CFAP90: variants seen among roughly 807,000 people sequenced by gnomAD.
CFAP90 encodes cilia- and flagella-associated protein 90.
At chr5:7,850,692 C>T in the CFAP90 span, among the ~76,000 whole-genome samples, 1 of 149,818 alleles carries the variant, frequency 6.7e-6, no homozygotes, top group Non-Finnish European at 1.5e-5. Flanking sequence ...GTGAACCCCG[C>T]CCCTACGCCC....
chr5:7,842,672 C>A, the CFAP90 span, among the ~76,000 whole-genome samples: 1 of 152,210 alleles, frequency 6.6e-6, no homozygotes, highest in South Asian at 2.1e-4. Flanking sequence ...GCACCAAGAG[C>A]CTCCCTGGAG....
the CFAP90 span, among the ~76,000 whole-genome samples, chr5:7,845,783 A>G: frequency 6.6e-6 from 1 of 152,020 alleles, no homozygotes; most frequent in African/African-American, 2.4e-5. Context: ...AGCCGATCAC[A>G]TTTTTGCTGG....
chr5:7,830,473 A>G, the CFAP90 span: 1 of 152,208 alleles, frequency 6.6e-6, no homozygotes, highest in South Asian at 2.1e-4. Flanking sequence ...TATTTCTATA[A>G]CCCAAACTTT....
At chr5:7,839,468 C>T in the CFAP90 span, among the ~76,000 whole-genome samples, 2 of 152,198 alleles carry the variant, frequency 1.3e-5, no homozygotes, top group Non-Finnish European at 2.9e-5. Flanking sequence ...GAGAAAAACT[C>T]TGAAGAAGGA....
the CFAP90 span, among the ~76,000 whole-genome samples, chr5:7,847,176 G>A: frequency 6.6e-6 from 1 of 152,120 alleles, no homozygotes; most frequent in African/African-American, 2.4e-5. Flanking sequence ...CCTGAGGAGT[G>A]GATTATTACC....
chr5:7,831,084 AGAT>A, the CFAP90 span: 2 of 152,210 alleles, frequency 1.3e-5, no homozygotes, highest in Non-Finnish European at 2.9e-5. Flanking sequence ...CTGCTCATGT[AGAT>A]GATATGACTT....
the CFAP90 span, among the ~76,000 whole-genome samples, chr5:7,836,605 G>T: frequency 6.6e-6 from 1 of 152,128 alleles, no homozygotes; most frequent in African/African-American, 2.4e-5. Context: ...ATTTTTAGGG[G>T]GATACAATGG....
chr5:7,832,008 C>G, the CFAP90 span: 1 of 1,611,404 alleles, frequency 6.2e-7, no homozygotes, highest in Admixed American at 1.7e-5. Context: ...GACGTCAGCA[C>G]TCCAACCGGC....
chr5:7,848,828 C>T, the CFAP90 span, among the ~76,000 whole-genome samples: 1 of 152,214 alleles, frequency 6.6e-6, no homozygotes, highest in Non-Finnish European at 1.5e-5. Flanking sequence ...CATTCCTCTT[C>T]ATGCTGCCAC....
At chr5:7,836,887 G>A in the CFAP90 span, among the ~76,000 whole-genome samples, 1 of 152,090 alleles carries the variant, frequency 6.6e-6, no homozygotes, top group African/African-American at 2.4e-5. Context: ...CCAGGGGTGG[G>A]GGTAGGGGGT....
chr5:7,840,955 C>A, the CFAP90 span, among the ~76,000 whole-genome samples: 1 of 152,064 alleles, frequency 6.6e-6, no homozygotes, highest in African/African-American at 2.4e-5. Context: ...TAGAAGGAAC[C>A]AATCCGGCTG....
the CFAP90 span, among the ~76,000 whole-genome samples, chr5:7,836,975 C>T: frequency 9.2e-5 from 14 of 152,082 alleles, no homozygotes; most frequent in Non-Finnish European, 2.9e-5. Context: ...TTCCTGAACT[C>T]TAACACTAGC....
the CFAP90 span, among the ~76,000 whole-genome samples, chr5:7,848,264 G>T: frequency 2.6e-5 from 4 of 152,098 alleles, no homozygotes; most frequent in South Asian, 2.1e-4. Context: ...AATATTCAGA[G>T]GATAATCGAG....
At chr5:7,838,862 T>C in the CFAP90 span, among the ~76,000 whole-genome samples, 2 of 152,170 alleles carry the variant, frequency 1.3e-5, no homozygotes, top group African/African-American at 4.8e-5. Context: ...TGTGGCAAAG[T>C]GGTGTTGTCT....
chr5:7,850,288 AC>A, the CFAP90 span, among the ~76,000 whole-genome samples: 2 of 131,104 alleles, frequency 1.5e-5, no homozygotes, highest in Non-Finnish European at 3.3e-5. Flanking sequence ...GCACGCTCCC[AC>A]CCGGCCCCCT....
At chr5:7,847,033 A>T in the CFAP90 span, among the ~76,000 whole-genome samples, 7 of 152,174 alleles carry the variant, frequency 4.6e-5, no homozygotes, top group African/African-American at 7.2e-5. Flanking sequence ...AATTGTTTAC[A>T]GTAAATTTAG....
chr5:7,850,675 C>G, the CFAP90 span, among the ~76,000 whole-genome samples: 1 of 135,614 alleles, frequency 7.4e-6, no homozygotes, highest in Non-Finnish European at 1.6e-5. Flanking sequence ...AGGCCCCTTT[C>G]CCTAAGGTGA....
the CFAP90 span, among the ~76,000 whole-genome samples, chr5:7,845,361 A>G: frequency 6.6e-6 from 1 of 152,206 alleles, no homozygotes; most frequent in South Asian, 2.1e-4. Context: ...TTCAGTGCTC[A>G]GGGAGGTAGA....
chr5:7,847,386 G>A, the CFAP90 span, among the ~76,000 whole-genome samples: 1 of 152,142 alleles, frequency 6.6e-6, no homozygotes, highest in South Asian at 2.1e-4. Flanking sequence ...AATCCACTTT[G>A]CATTAATTTG....
Sources: allele counts gnomAD v4.1 joint callset (sites outside exome capture counted in the v4.1 genomes callset), GRCh38; gene constraint gnomAD v4.1.1; transcripts MANE v1.5; gene names NCBI Gene and HGNC (gene_info 2026-07-23, HGNC 2026-07-21).